PLAC8L1: variants seen among roughly 807,000 people sequenced by gnomAD.
The protein encoded by PLAC8L1 is PLAC8-like protein 1.
Under a neutral mutation model 16.3 loss-of-function variants are expected in PLAC8L1, and 13 were observed. The ratio of observed to expected loss-of-function variants is 0.80; its 90% CI spans 0.52 to 1.27. The LOEUF (loss-of-function observed/expected upper bound fraction) is 1.27. PLAC8L1 is among the 50% of genes most tolerant of loss of function. PLAC8L1 has a pLI of 0.00. For missense variants in PLAC8L1, 184 were observed against 220.2 expected (o/e 0.84, Z 1.04); for synonymous variants, 78 against 79.3 (o/e 0.98, Z 0.09).
At chr5:146,097,807 C>T (rs943005149) in intron 2 of PLAC8L1, among the ~76,000 whole-genome samples, 2 of 152,206 alleles carry the variant, frequency 1.3e-5, no homozygotes, top group Admixed American at 1.3e-4. Flanking sequence ...AAAAGCTATG[C>T]AACAGCTGAG....
At chr5:146,089,362 C>A (rs1763572052) in intron 2 of PLAC8L1, among the ~76,000 whole-genome samples, 2 of 152,078 alleles carry the variant, frequency 1.3e-5, no homozygotes, top group African/African-American at 4.8e-5. Flanking sequence ...TATAATAGCT[C>A]ATATTTATAC....
chr5:146,103,526 C>T (rs1049742298), intron 1 of PLAC8L1, among the ~76,000 whole-genome samples: 4 of 152,008 alleles, frequency 2.6e-5, no homozygotes, highest in African/African-American at 9.7e-5. Flanking sequence ...GGCCCAGGAC[C>T]AAGGGTTTTC....
chr5:146,089,127 T>C (rs1472737702), intron 2 of PLAC8L1, among the ~76,000 whole-genome samples: 1 of 152,202 alleles, frequency 6.6e-6, no homozygotes, highest in African/African-American at 2.4e-5. Context: ...TTTAAGTGCA[T>C]TTGAACTCTT....
chr5:146,098,335 T>TTCAGAACAATAACCATTAAGCCAAG, intron 1 of PLAC8L1, 43 bp from the exon 2 acceptor site: 11 of 1,597,212 alleles, frequency 6.9e-6, no homozygotes, highest in Non-Finnish European at 9.4e-6. Context: ...ACAAAGGTGT[T>TTCAGAACAATAACCATTAAGCCAAG]TCAGAACAAT....
intron 1 of PLAC8L1, among the ~76,000 whole-genome samples, chr5:146,100,350 C>A (rs1175547386): frequency 1.3e-5 from 2 of 152,120 alleles, no homozygotes; most frequent in East Asian, 3.9e-4. Flanking sequence ...CTATGAAATA[C>A]CCCCAGCCCT....
chr5:146,090,721 C>G (rs927397898), intron 2 of PLAC8L1, among the ~76,000 whole-genome samples: 6 of 152,018 alleles, frequency 3.9e-5, no homozygotes, highest in African/African-American at 1.5e-4. Context: ...ATTAAGACAT[C>G]CAGAAACTAC....
intron 2 of PLAC8L1, among the ~76,000 whole-genome samples, chr5:146,094,494 T>C (rs1435016740): frequency 6.6e-6 from 1 of 152,224 alleles, no homozygotes. Context: ...GTAAACATGG[T>C]TGAATCATGA....
At chr5:146,086,158 T>A (rs1763513070) in intron 2 of PLAC8L1, among the ~76,000 whole-genome samples, 1 of 147,566 alleles carries the variant, frequency 6.8e-6, no homozygotes, top group African/African-American at 2.5e-5. Flanking sequence ...GCCTCCCAAG[T>A]AGCTGGGACT....
chr5:146,104,421 C>G lies in PLAC8L1; in HGVS notation c.-110G>C. 2 of 892,170 alleles carry G rather than the reference C, an allele frequency of 2.2e-6. No individual in the cohort carries two copies. Among genetic ancestry groups the G allele is most frequent in the Non-Finnish European group, 3.7e-6 (2 of 542,244 alleles). 55.3% of individuals were successfully genotyped at this position (892,170 alleles called of 1,614,324 possible). A position where few individuals can be genotyped will look rare whatever the true frequency, so the allele number is the denominator to read the frequency against. ...TGAAACATCTCTTGAAAGAATGTTC[C>G]CTTAATATTCTGGAACCTGAGGTCA... is the stretch of plus-strand genomic sequence containing the variant. On this transcript the variant is annotated 5_prime_UTR_variant, in exon 1 of 4. Coordinates refer to ENST00000311450, the MANE Select transcript of PLAC8L1 (RefSeq NM_001029869.3).
rs141143569 is a variant in PLAC8L1 at position 146,092,662 on chromosome 5, A to C, written c.256+5494T>G. 2.2e-3 allele frequency among the ~76,000 whole-genome samples: 330 copies of C among 149,828 alleles called. 3 individuals carry two copies. Among genetic ancestry groups the C allele is most frequent in the African/African-American group, 7.9e-3 (321 of 40,650 alleles). ...GTTCAAGCGATTTTCCTGCTTCAGC[A>C]TCCCAGGCAGCTGGGATTGCAGGAG... On this transcript the variant is annotated intron_variant, in intron 2 of 3. Transcript: ENST00000311450.
intron 2 of PLAC8L1, among the ~76,000 whole-genome samples, chr5:146,091,812 A>G (rs1370163356): frequency 6.6e-6 from 1 of 152,170 alleles, no homozygotes; most frequent in African/African-American, 2.4e-5. Flanking sequence ...ATAAATAAAT[A>G]AATACAATTA....
chr5:146,096,379 C>T lies in PLAC8L1; in HGVS notation c.256+1777G>A, dbSNP rs528258651. Among the ~76,000 whole-genome samples the T allele has an allele frequency of 2.0e-5, 3 of 152,322 alleles. No individual in the cohort carries two copies. In the South Asian group the frequency reaches 6.2e-4, roughly 32 times the overall value. ...GAACATGGATTTTAAAGTGACACTA[C>T]TCAACCTAGTATAGTTTGCAACCCT... is the stretch of plus-strand genomic sequence containing the variant. On this transcript the variant is annotated intron_variant, in intron 2 of 3. Transcript: ENST00000311450.
chr5:146,104,224 A>T lies in PLAC8L1; in HGVS notation c.88T>A (p.Ser30Thr). 6.2e-7 allele frequency: 1 copy of T among 1,613,914 alleles called. No homozygotes were observed. The highest frequency in any genetic ancestry group is 8.5e-7 in the Non-Finnish European group (1 of 1,179,872). The change falls in exon 1 of 4, where the codon TCT becomes ACT. Residue 30 changes from serine (S) to threonine (T), a missense_variant. Transcript: ENST00000311450. ...IYSPLLSHMS[S>T]EDEHFISNLR... is the part of the protein sequence containing the mutation. ...TTGGAAATAAAATGTTCATCTTCAG[A>T]TGACATGTGTGACAACAGAGGTGAG... is the stretch of plus-strand genomic sequence containing the variant.
chr5:146,103,538 C>T, intron 1 of PLAC8L1: 2 of 580,856 alleles, frequency 3.4e-6, no homozygotes, highest in Non-Finnish European at 2.2e-6. Context: ...AGGGTTTTCC[C>T]AGGATAGGGA....
At chr5:146,100,822 G>T (rs186692937) in intron 1 of PLAC8L1, among the ~76,000 whole-genome samples, 92 of 152,276 alleles carry the variant, frequency 6.0e-4, no homozygotes, top group African/African-American at 2.1e-3. Flanking sequence ...CTAGCCCCCA[G>T]TGTGAATGTA....
At chr5:146,089,787 G>A (rs1763581609) in intron 2 of PLAC8L1, among the ~76,000 whole-genome samples, 1 of 149,166 alleles carries the variant, frequency 6.7e-6, no homozygotes, top group East Asian at 2.0e-4. Context: ...CGCCCAGGCT[G>A]GAGTTCAATG....
intron 2 of PLAC8L1, among the ~76,000 whole-genome samples, chr5:146,090,484 G>A (rs927777145): frequency 2.6e-5 from 4 of 152,038 alleles, no homozygotes; most frequent in East Asian, 1.9e-4. Flanking sequence ...GCCATGAGCC[G>A]AGATCGGGCC....
intron 1 of PLAC8L1, among the ~76,000 whole-genome samples, chr5:146,098,830 G>C (rs887761510): frequency 6.6e-6 from 1 of 152,138 alleles, no homozygotes; most frequent in Non-Finnish European, 1.5e-5. Context: ...GGACTGAGTG[G>C]GCAGACTGAA....
At position 146,101,385 on chromosome 5, in the gene PLAC8L1, T is replaced by C. The variant is rs1763814706; in HGVS notation, c.119+2808A>G. On this transcript the variant is annotated intron_variant, in intron 1 of 3. Coordinates refer to ENST00000311450, the MANE Select transcript of PLAC8L1 (RefSeq NM_001029869.3). Reference sequence around the variant, plus strand: ...CAGAACTGTGAGAAAATTATTTCTCTTGTTTAAGCCACACAGCCTATGGTA... The same window carrying C: ...CAGAACTGTGAGAAAATTATTTCTCCTGTTTAAGCCACACAGCCTATGGTA... 2.0e-5 allele frequency among the ~76,000 whole-genome samples: 3 copies of C among 152,156 alleles called. No individual in the cohort carries two copies. In the South Asian group the frequency reaches 6.2e-4, roughly 32 times the overall value.
Sources: gnomAD v4.1 joint callset for allele counts (sites outside exome capture counted in the v4.1 genomes callset) on GRCh38, gnomAD v4.1.1 for gene constraint, MANE v1.5 for transcripts, NCBI Gene and HGNC (gene_info 2026-07-23, HGNC 2026-07-21) for gene names.